The following NUP133 variants were observed in gnomAD, a reference collection of about 807,000 sequenced individuals.
The protein encoded by NUP133 is nuclear pore complex protein Nup133.
NUP133 carries 66 observed loss-of-function variants against 146.2 expected under a neutral mutation model. That is an observed-to-expected ratio of 0.45 (90% CI 0.37 to 0.55). The LOEUF (loss-of-function observed/expected upper bound fraction) is 0.55, where lower values mean the gene tolerates loss of function less well. Ranked by LOEUF, NUP133 falls within the 20% of genes least tolerant of loss-of-function variation. The pLI, the probability that NUP133 is intolerant of heterozygous loss-of-function variation, is 0.00. For synonymous variants in NUP133, 521 were observed against 498.8 expected, an observed-to-expected ratio of 1.04 and a Z score of -0.59; for missense variants, 1,277 against 1,374.8, an observed-to-expected ratio of 0.93 and a Z score of 1.12.
At chr1:229,479,085 G>C (rs1298474963) in intron 12 of NUP133, among the ~76,000 whole-genome samples, 1 of 152,160 alleles carries the variant, frequency 6.6e-6, no homozygotes, top group Non-Finnish European at 1.5e-5. Flanking sequence ...GAGAGAGAGA[G>C]AGACCAACCA....
chr1:229,506,227 T>A, intron 1 of NUP133, 69 bp from the exon 2 acceptor site: 1 of 857,076 alleles, frequency 1.2e-6, no homozygotes, highest in Non-Finnish European at 1.8e-6. Context: ...TTTTTATGTA[T>A]ATATTTTCAC....
chr1:229,458,175 T>C lies in NUP133; in HGVS notation c.2966A>G (p.Gln989Arg). ...LASDFSEDMLQEKIEEMAEQE... is the reference protein window; with the variant it reads ...LASDFSEDMLREKIEEMAEQE... ...AATTCTTTCACCTTCAATTTTTTCT[T>C]GTAGCATATCCTCTGAAAAGTCTGA... The change falls in exon 21 of 26, where the codon CAA (glutamine) becomes CGA (arginine). Residue 989 changes from glutamine to arginine, a missense_variant. Gln to Arg is a conservative substitution (Grantham distance 43, BLOSUM62 1). Transcript: ENST00000261396. 6.2e-7 allele frequency: 1 copy of C among 1,607,684 alleles called. No individual in the cohort carries two copies. The highest frequency in any genetic ancestry group is 8.5e-7 in the Non-Finnish European group (1 of 1,176,956).
In NUP133 at chr1:229,482,372, G is replaced by A. The variant is rs1036157543; in HGVS notation, c.1592+1682C>T. 3.8e-4 allele frequency among the ~76,000 whole-genome samples: 58 copies of A among 152,022 alleles called. 1 individual carries two copies. The highest frequency in any genetic ancestry group is 1.5e-4 in the Non-Finnish European group (10 of 68,010). On this transcript the variant is annotated intron_variant, in intron 12 of 25. Coordinates refer to ENST00000261396, the MANE Select transcript of NUP133 (RefSeq NM_018230.3). ...TATTCCTTCAAAACAAAGATCTGAC[G>A]ATAAACTAATGATCCTTTAGCCATG...
rs759519452 is a variant in NUP133 at position 229,465,529 on chromosome 1, A to C, written c.2200-10T>G. 5.3e-5 allele frequency: 84 copies of C among 1,598,104 alleles called. No homozygotes were observed. The Middle Eastern group carries it at 1.2e-3, about 22-fold the overall frequency. ...CAGCCTGCAGCATATCCTGGAAAAA[A>C]AGTTAATGTGTTATCACATGCAAAA... On this transcript the variant is annotated splice_polypyrimidine_tract_variant and intron_variant, in intron 16 of 25. Transcript: ENST00000261396.
intron 6 of NUP133, among the ~76,000 whole-genome samples, chr1:229,497,085 G>A (rs1195319661): frequency 6.6e-6 from 1 of 152,168 alleles, no homozygotes; most frequent in Admixed American, 6.5e-5. Context: ...GTGTTAAAAC[G>A]CATCACTGAT....
chr1:229,446,234 C>T (rs187706149), intron 24 of NUP133, among the ~76,000 whole-genome samples: 148 of 152,084 alleles, frequency 9.7e-4, no homozygotes, highest in African/African-American at 3.0e-3. Flanking sequence ...TGGAGAAACC[C>T]GGTCTCTACT....
Position 229,476,933 on chromosome 1 carries a change from AAAAAAAAC to A in NUP133, c.1756+656_1756+663del, listed in dbSNP as rs963120612. Among the ~76,000 whole-genome samples, 18 of 151,300 alleles carry A rather than the reference AAAAAAAAC, an allele frequency of 1.2e-4. 1 individual carries two copies. The highest frequency in any genetic ancestry group is 4.4e-4 in the African/African-American group (18 of 40,974). On this transcript the variant is annotated intron_variant, in intron 13 of 25. Coordinates refer to ENST00000261396, the MANE Select transcript of NUP133 (RefSeq NM_018230.3). ...AGTAAGGGAGACCCTGTTTCCAAAA[AAAAAAAAC>A]AAAAAAAAAAACTGGGATTGGGGGG... is the stretch of plus-strand genomic sequence containing the variant.
At chr1:229,442,578 T>G (rs146283095) in intron 25 of NUP133, among the ~76,000 whole-genome samples, 2 of 152,058 alleles carry the variant, frequency 1.3e-5, no homozygotes, top group Non-Finnish European at 2.9e-5. Context: ...ATTTGACAAA[T>G]AGAGAAAACT....
At chr1:229,465,307 C>T (rs752374829) in intron 17 of NUP133, 113 bp downstream of exon 17, 16 of 776,900 alleles carry the variant, frequency 2.1e-5, no homozygotes, top group Admixed American at 9.3e-5. Context: ...ATTTTGGAGA[C>T]GGCACTTTTT....
chr1:229,456,766 T>C (rs2102752336), intron 21 of NUP133, among the ~76,000 whole-genome samples: 1 of 151,910 alleles, frequency 6.6e-6, no homozygotes. Flanking sequence ...CACACAATTT[T>C]ATATATACAC....
chr1:229,452,660 G>C lies in NUP133; in HGVS notation c.2981-17C>G. On this transcript the variant is annotated splice_polypyrimidine_tract_variant and intron_variant, in intron 21 of 25. Transcript: ENST00000261396. ...CAGCCATTTCTAGTATTCAAGATGA[G>C]AGGGAGGGAAAGAGAATATGATGAA... 6.4e-7 allele frequency: 1 copy of C among 1,559,168 alleles called. No homozygotes were observed. Among genetic ancestry groups the C allele is most frequent in the Non-Finnish European group, 8.8e-7 (1 of 1,136,876 alleles).
intron 22 of NUP133, among the ~76,000 whole-genome samples, chr1:229,451,636 A>AT (rs1194346338): frequency 2.6e-5 from 4 of 151,204 alleles, no homozygotes; most frequent in African/African-American, 9.9e-5. Flanking sequence ...CTATAATTTC[A>AT]TTTTTTAAAA....
In NUP133 at chr1:229,499,706, T is replaced by TA; in HGVS notation, c.625dup (p.Tyr209LeufsTer27). 1 of 1,613,954 alleles carries TA rather than the reference T, an allele frequency of 6.2e-7. No individual in the cohort carries two copies. The highest frequency in any genetic ancestry group is 8.5e-7 in the Non-Finnish European group (1 of 1,179,890). ...TACCTGCACTGCTGTTAGGAAACTGTAAGTCTTATCACCTCCCGAATCTAC... is the reference window on the plus strand; with the variant it reads ...TACCTGCACTGCTGTTAGGAAACTGTAAAGTCTTATCACCTCCCGAATCTAC... On this transcript the variant is annotated frameshift_variant, in exon 5 of 26. Transcript: ENST00000261396. LOFTEE classifies it high-confidence loss of function.
Position 229,498,245 on chromosome 1 carries a change from G to A in NUP133, c.710C>T (p.Ser237Leu). Reference protein sequence around the residue: ...SQLIRLIPESSGKIHQHILPQ... With the variant: ...SQLIRLIPESLGKIHQHILPQ... ...CAGGATATGCTGATGAATCTTTCCT[G>A]AGCTCTCAGGTATCAACCGAATTAG... Residue 237 changes from serine (S) to leucine (L), a missense_variant, in exon 6 of 26, where the codon TCA becomes TTA. Physicochemically the swap from Ser to Leu is moderately radical, Grantham distance 145. Coordinates refer to ENST00000261396, the MANE Select transcript of NUP133 (RefSeq NM_018230.3). 6.2e-7 allele frequency: 1 copy of A among 1,611,022 alleles called. No homozygotes were observed. The highest frequency in any genetic ancestry group is 1.3e-5 in the African/African-American group (1 of 74,876).
intron 12 of NUP133, among the ~76,000 whole-genome samples, chr1:229,482,959 A>G (rs58515142): frequency 0.027 from 4,105 of 152,266 alleles, 177 homozygotes; most frequent in African/African-American, 0.091. Context: ...GACCAAAATG[A>G]GTGAGCCTAC....
chr1:229,449,741 T>C (rs1660398967), intron 23 of NUP133, among the ~76,000 whole-genome samples: 1 of 151,066 alleles, frequency 6.6e-6, no homozygotes, highest in Admixed American at 6.6e-5. Context: ...TCTACCAAAT[T>C]ACTTTCAATT....
intron 15 of NUP133, among the ~76,000 whole-genome samples, chr1:229,467,617 G>A (rs1660853311): frequency 6.6e-6 from 1 of 152,048 alleles, no homozygotes; most frequent in Admixed American, 6.6e-5. Flanking sequence ...ATTTTACATT[G>A]TTAACATGAA....
At chr1:229,496,757 G>A (rs1313374833) in intron 6 of NUP133, among the ~76,000 whole-genome samples, 1 of 152,198 alleles carries the variant, frequency 6.6e-6, no homozygotes, top group Non-Finnish European at 1.5e-5. Flanking sequence ...CAAGGAGGGA[G>A]GCTCATTTGA....
At chr1:229,463,919 G>A (rs1660752647) in intron 18 of NUP133, among the ~76,000 whole-genome samples, 1 of 152,138 alleles carries the variant, frequency 6.6e-6, no homozygotes, top group Non-Finnish European at 1.5e-5. Context: ...GCTGAGGCGG[G>A]TGGATCACCT....
Sources: gnomAD v4.1 joint callset for allele counts (sites outside exome capture counted in the v4.1 genomes callset) on GRCh38, gnomAD v4.1.1 for gene constraint, MANE v1.5 for transcripts, NCBI Gene and HGNC (gene_info 2026-07-23, HGNC 2026-07-21) for gene names.